IQCK: variants seen among roughly 807,000 people sequenced by gnomAD.
IQCK encodes the protein IQ motif containing K, also known as IQ domain-containing protein K.
A neutral mutation model predicts 28.1 loss-of-function variants in IQCK; 29 were observed. That is an observed-to-expected ratio of 1.03 (90% CI 0.77 to 1.41). IQCK has a LOEUF of 1.41. IQCK is among the 40% of genes most tolerant of loss of function. The probability of loss-of-function intolerance (pLI) is 0.00; values close to 1 mark genes in which losing one functional copy is unlikely to be tolerated. For missense variants in IQCK, 359 were observed against 314.7 expected, an observed-to-expected ratio of 1.14 and a Z score of -1.07; for synonymous variants, 113 against 115.1, an observed-to-expected ratio of 0.98 and a Z score of 0.12.
intron 6 of IQCK, among the ~76,000 whole-genome samples, chr16:19,766,948 T>A (rs2055247062): frequency 6.6e-6 from 1 of 152,202 alleles, no homozygotes; most frequent in African/African-American, 2.4e-5. Context: ...CACATGCCTG[T>A]AATCTCAGCT....
Position 19,745,080 on chromosome 16 carries a change from T to G in IQCK, c.474+9630T>G, listed in dbSNP as rs999105067. 1.5e-4 allele frequency among the ~76,000 whole-genome samples: 23 copies of G among 152,174 alleles called. 1 individual carries two copies. The highest frequency in any genetic ancestry group is 3.9e-4 in the Admixed American group (6 of 15,272). On this transcript the variant is annotated intron_variant, in intron 4 of 7. Transcript: ENST00000564186. ...TCCTATATTTAATATTCCAATATTT[T>G]GGGTATATTAAAAAATTTCAAAAGA...
At chr16:19,848,854 C>T (rs1221773112) in intron 9 of IQCK, among the ~76,000 whole-genome samples, 2 of 152,118 alleles carry the variant, frequency 1.3e-5, no homozygotes, top group Admixed American at 6.5e-5. Context: ...GAGGAGGAAA[C>T]GTTATTTTCC....
downstream of IQCK, among the ~76,000 whole-genome samples, chr16:19,828,614 G>A (rs1360695281): frequency 6.6e-6 from 1 of 151,468 alleles, no homozygotes; most frequent in Non-Finnish European, 1.5e-5. Flanking sequence ...TGCATGGCCT[G>A]TAATGTAATC....
At chr16:19,765,537 CA>C (rs201206698) in intron 6 of IQCK, among the ~76,000 whole-genome samples, 3,498 of 149,506 alleles carry the variant, frequency 0.023, 117 homozygotes, top group African/African-American at 0.081. Flanking sequence ...GACTCTGTCT[CA>C]AAAAAAAAAT....
At chr16:19,777,977 C>T (rs1597550041) in intron 6 of IQCK, among the ~76,000 whole-genome samples, 2 of 152,052 alleles carry the variant, frequency 1.3e-5, no homozygotes, top group South Asian at 2.1e-4. Flanking sequence ...TGCTTCAACC[C>T]GGGAGGCAGA....
chr16:19,735,303 G>A, intron 3 of IQCK, 50 bp from the exon 4 acceptor site: 1 of 1,238,528 alleles, frequency 8.1e-7, no homozygotes, highest in South Asian at 1.2e-5. Context: ...TCCCAGATTG[G>A]CTCGGGCCAC....
intron 7 of IQCK, among the ~76,000 whole-genome samples, chr16:19,817,372 T>A (rs566530012): frequency 1.1e-4 from 16 of 152,180 alleles, no homozygotes; most frequent in Admixed American, 7.2e-4. Flanking sequence ...CCCAGTTCAA[T>A]GGGTGCGTGC....
intron 7 of IQCK, among the ~76,000 whole-genome samples, chr16:19,810,445 C>T (rs1178495984): frequency 2.0e-5 from 3 of 150,272 alleles, no homozygotes; most frequent in Admixed American, 1.3e-4. Flanking sequence ...TGCAGTGAGC[C>T]GAGATCGTGC....
chr16:19,758,869 A>G (rs2055091213), intron 4 of IQCK, among the ~76,000 whole-genome samples: 1 of 152,218 alleles, frequency 6.6e-6, no homozygotes, highest in Non-Finnish European at 1.5e-5. Flanking sequence ...GTTTCGGTAA[A>G]AAGTGTTAAG....
At position 19,783,529 on chromosome 16, in the gene IQCK, C is replaced by T. The variant is rs540975210; in HGVS notation, c.606-5309C>T. ...GTGTTCATCTCTCCCCTCCCTAGTT[C>T]CCTGGTGATGAGCAGTCGCCTCTTT... On this transcript the variant is annotated intron_variant, in intron 6 of 7. Coordinates refer to ENST00000564186, the Ensembl canonical transcript of IQCK. 4.2e-4 allele frequency among the ~76,000 whole-genome samples: 64 copies of T among 150,760 alleles called. 3 individuals are homozygous for T. The South Asian group carries it at 0.014, about 32-fold the overall frequency.
At chr16:19,822,097 A>C (rs1416939940) in intron 7 of IQCK, among the ~76,000 whole-genome samples, 15 of 145,198 alleles carry the variant, frequency 1.0e-4, no homozygotes, top group East Asian at 9.9e-4. Context: ...AAAAAAAAAC[A>C]AAAAAAAACG....
chr16:19,804,761 G>A lies in IQCK; in HGVS notation c.690+15839G>A, dbSNP rs148818991. ...GTATTTAAAGAAAAACACAATACCA[G>A]TGTGGCTGATGGGCTGGCATTTAGC... On this transcript the variant is annotated intron_variant, in intron 7 of 7. Coordinates refer to ENST00000564186, the Ensembl canonical transcript of IQCK. Among the ~76,000 whole-genome samples, 847 of 152,334 alleles carry A rather than the reference G, an allele frequency of 5.6e-3. 10 individuals are homozygous for A. The highest frequency in any genetic ancestry group is 0.019 in the African/African-American group (803 of 41,576).
rs141817879 is a variant in IQCK at position 19,732,778 on chromosome 16, C to T, written c.247-920C>T. ...ACACCCAGCACAATTTTTTTTCTTA[C>T]GCTACCATCATGGTGCCCTAAGTGG... On this transcript the variant is annotated intron_variant, in intron 2 of 7. Coordinates refer to ENST00000564186, the Ensembl canonical transcript of IQCK. 1.9e-4 allele frequency among the ~76,000 whole-genome samples: 29 copies of T among 152,244 alleles called. No homozygotes were observed. The East Asian group carries it at 1.9e-3, about 10-fold the overall frequency.
chr16:19,809,086 A>C (rs988183884), intron 7 of IQCK, among the ~76,000 whole-genome samples: 2 of 152,088 alleles, frequency 1.3e-5, no homozygotes, highest in African/African-American at 4.8e-5. Flanking sequence ...CGAACTCCTG[A>C]CCTCAGGTGA....
At chr16:19,749,429 T>A (rs1567541903) in intron 4 of IQCK, among the ~76,000 whole-genome samples, 1 of 152,170 alleles carries the variant, frequency 6.6e-6, no homozygotes, top group Non-Finnish European at 1.5e-5. Flanking sequence ...GAGTTGAATA[T>A]TTGTGACACG....
At chr16:19,750,019 C>T (rs1318901765) in intron 4 of IQCK, among the ~76,000 whole-genome samples, 1 of 152,186 alleles carries the variant, frequency 6.6e-6, no homozygotes, top group Non-Finnish European at 1.5e-5. Context: ...TGCGTGACCC[C>T]AGACCTTGCT....
intron 6 of IQCK, among the ~76,000 whole-genome samples, chr16:19,784,683 C>G (rs2055538593): frequency 6.6e-6 from 1 of 152,202 alleles, no homozygotes; most frequent in Non-Finnish European, 1.5e-5. Context: ...ACAAGGGCTT[C>G]TATCTCCAAA....
intron 6 of IQCK, among the ~76,000 whole-genome samples, chr16:19,771,153 A>C (rs2055314636): frequency 6.6e-6 from 1 of 152,196 alleles, no homozygotes; most frequent in African/African-American, 2.4e-5. Context: ...CTGCAGTGGC[A>C]CAATCACAGC....
chr16:19,756,409 G>A (rs935366929), intron 4 of IQCK, among the ~76,000 whole-genome samples: 10 of 152,032 alleles, frequency 6.6e-5, no homozygotes, highest in Admixed American at 3.9e-4. Flanking sequence ...AAATCGAGCC[G>A]AATATGACTA....
Sources: gnomAD v4.1 joint callset for allele counts (sites outside exome capture counted in the v4.1 genomes callset) on GRCh38, gnomAD v4.1.1 for gene constraint, MANE v1.5 for transcripts, NCBI Gene and HGNC (gene_info 2026-07-23, HGNC 2026-07-21) for gene names.